ST8SIA6: variants seen among roughly 807,000 people sequenced by gnomAD.
The protein encoded by ST8SIA6 is alpha-2,8-sialyltransferase 8F.
In ST8SIA6, 39 loss-of-function variants were observed where a neutral mutation model predicts 33.6. The ratio of observed to expected loss-of-function variants is 1.16; its 90% CI spans 0.90 to 1.52. The LOEUF (loss-of-function observed/expected upper bound fraction) is 1.52. ST8SIA6 is among the 40% of genes most tolerant of loss of function. The pLI, the probability that ST8SIA6 is intolerant of heterozygous loss-of-function variation, is 0.00. For missense variants in ST8SIA6, 441 were observed against 443.8 expected (o/e 0.99, Z 0.06); for synonymous variants, 172 against 167.2 (o/e 1.03, Z -0.22).
At chr10:17,376,419 A>T (rs1754102768) in intron 3 of ST8SIA6, among the ~76,000 whole-genome samples, 1 of 152,204 alleles carries the variant, frequency 6.6e-6, no homozygotes. Flanking sequence ...ACCAAATGGT[A>T]GAAACTGAAC....
chr10:17,322,226 GAAAGAAAA>G (rs1160008601), intron 7 of ST8SIA6, among the ~76,000 whole-genome samples: 1 of 124,142 alleles, frequency 8.1e-6, no homozygotes, highest in African/African-American at 3.4e-5. Context: ...AGAAAAGAAA[GAAAGAAAA>G]AGAAAGAGAA....
At chr10:17,425,282 T>C (rs991942707) in intron 2 of ST8SIA6, among the ~76,000 whole-genome samples, 1 of 152,040 alleles carries the variant, frequency 6.6e-6, no homozygotes, top group Admixed American at 6.6e-5. Flanking sequence ...AGGACTGAAA[T>C]ATAAGCCAGG....
intron 3 of ST8SIA6, among the ~76,000 whole-genome samples, chr10:17,371,636 G>A (rs55735524): frequency 0.37 from 55,976 of 151,102 alleles, 10,579 homozygotes; most frequent in East Asian, 0.59. Flanking sequence ...AATACAAAAA[G>A]TTAGCAGGGC....
chr10:17,384,971 A>C (rs1042533385), intron 3 of ST8SIA6, among the ~76,000 whole-genome samples: 3 of 152,294 alleles, frequency 2.0e-5, no homozygotes, highest in African/African-American at 4.8e-5. Flanking sequence ...GCAATGAAAG[A>C]TCAGATGAAA....
In ST8SIA6 at chr10:17,321,050, C is replaced by T; in HGVS notation, c.1025G>A (p.Gly342Glu). ...TACAGTTTTAGAGAAGGGCCAGAAT[C>T]CATACAGCTTCACATTTTTACACAG... is the stretch of plus-strand genomic sequence containing the variant. ...VELCKNVKLY[G>E]FWPFSKTVED... The change falls in exon 8 of 8, where the codon GGA becomes GAA. Residue 342 changes from glycine (G) to glutamate (E), a missense_variant. Physicochemically the swap from Gly to Glu is moderately conservative, Grantham distance 98. Transcript: ENST00000377602. The T allele has an allele frequency of 6.2e-7, 1 of 1,614,050 alleles. No homozygotes were observed. The highest frequency in any genetic ancestry group is 2.2e-5 in the East Asian group (1 of 44,876).
At chr10:17,379,050 C>T (rs780527400) in intron 3 of ST8SIA6, among the ~76,000 whole-genome samples, 33 of 151,200 alleles carry the variant, frequency 2.2e-4, no homozygotes, top group African/African-American at 5.1e-4. Context: ...CGCTTGAACC[C>T]GGGAGGCAGT....
chr10:17,405,466 A>G (rs1418772592), intron 2 of ST8SIA6, among the ~76,000 whole-genome samples: 1 of 151,658 alleles, frequency 6.6e-6, no homozygotes, highest in Non-Finnish European at 1.5e-5. Flanking sequence ...AACACCTCAA[A>G]TGAGGTTGCT....
At chr10:17,337,233 C>T (rs1848534581) in intron 4 of ST8SIA6, among the ~76,000 whole-genome samples, 1 of 152,168 alleles carries the variant, frequency 6.6e-6, no homozygotes, top group African/African-American at 2.4e-5. Flanking sequence ...CCTCCTCAGC[C>T]ACGATTCCTG....
chr10:17,425,025 C>T (rs921673822), intron 2 of ST8SIA6, among the ~76,000 whole-genome samples: 8 of 152,088 alleles, frequency 5.3e-5, no homozygotes, highest in East Asian at 1.9e-4. Flanking sequence ...TGAGCCACCA[C>T]GCCCAGCCAC....
intron 2 of ST8SIA6, among the ~76,000 whole-genome samples, chr10:17,432,014 C>A (rs1852117345): frequency 6.6e-6 from 1 of 152,032 alleles, no homozygotes; most frequent in Non-Finnish European, 1.5e-5. Flanking sequence ...AGCCGGAAGC[C>A]GAAAACCGGA....
At chr10:17,372,745 A>G (rs1849777187) in intron 3 of ST8SIA6, among the ~76,000 whole-genome samples, 1 of 152,240 alleles carries the variant, frequency 6.6e-6, no homozygotes, top group South Asian at 2.1e-4. Flanking sequence ...AATTACTCCA[A>G]AACTTAGTGG....
intron 2 of ST8SIA6, among the ~76,000 whole-genome samples, chr10:17,445,050 T>G (rs531023594): frequency 8.5e-4 from 130 of 152,304 alleles, no homozygotes; most frequent in African/African-American, 3.0e-3. Context: ...CTAATAGCCT[T>G]CATCTATTTG....
Position 17,390,458 on chromosome 10 carries a change from G to C in ST8SIA6, c.290+73C>G, listed in dbSNP as rs1024804460. 2.3e-6 allele frequency: 3 copies of C among 1,287,734 alleles called. No homozygotes were observed. The African/African-American group carries it at 4.4e-5, about 19-fold the overall frequency. 79.8% of individuals were successfully genotyped at this position (1,287,734 alleles called of 1,614,324 possible). On this transcript the variant is annotated intron_variant, in intron 3 of 7. Coordinates refer to ENST00000377602, the MANE Select transcript of ST8SIA6 (RefSeq NM_001004470.3). ...CAGTCTCATATTCCAAATGACTTCA[G>C]AGACACTGTCAGACATTCTGAAAAT...
chr10:17,426,431 G>A (rs370829502), intron 2 of ST8SIA6, among the ~76,000 whole-genome samples: 13 of 152,214 alleles, frequency 8.5e-5, no homozygotes, highest in African/African-American at 3.1e-4. Flanking sequence ...AAAAAACGGT[G>A]TGGAGAGTTC....
chr10:17,439,319 A>T (rs12252590), intron 2 of ST8SIA6, among the ~76,000 whole-genome samples: 5 of 141,142 alleles, frequency 3.5e-5, no homozygotes, highest in Non-Finnish European at 6.1e-5. Context: ...TCTCTCTGTC[A>T]CCCAGACTGG....
Position 17,321,002 on chromosome 10 carries a change from T to C in ST8SIA6, c.1073A>G (p.His358Arg). Residue 358 changes from histidine to arginine, a missense_variant, in exon 8 of 8, where the codon CAC becomes CGC. Physicochemically the swap from His to Arg is conservative, Grantham distance 29 (BLOSUM62 0). Transcript: ENST00000377602. Reference protein sequence around the residue: ...KTVEDIPVSHHYYDNKLPKHG... With the variant: ...KTVEDIPVSHRYYDNKLPKHG... ...TTTAGGTAGCTTGTTGTCATAATAG[T>C]GATGGCTGACAGGTATGTCTTCTAC... 1 of 1,614,096 alleles carries C rather than the reference T, an allele frequency of 6.2e-7. No individual in the cohort carries two copies. The highest frequency in any genetic ancestry group is 8.5e-7 in the Non-Finnish European group (1 of 1,179,978).
chr10:17,430,637 A>G (rs566610251), intron 2 of ST8SIA6, among the ~76,000 whole-genome samples: 2 of 152,140 alleles, frequency 1.3e-5, no homozygotes, highest in African/African-American at 4.8e-5. Flanking sequence ...CCTGATGATT[A>G]GTGGTGTCAA....
chr10:17,429,229 G>T (rs1304440322), intron 2 of ST8SIA6, among the ~76,000 whole-genome samples: 1 of 151,860 alleles, frequency 6.6e-6, no homozygotes, highest in African/African-American at 2.4e-5. Context: ...TCACTTTAGG[G>T]ATATAATAGA....
At chr10:17,416,023 G>T (rs1851597894) in intron 2 of ST8SIA6, among the ~76,000 whole-genome samples, 1 of 151,898 alleles carries the variant, frequency 6.6e-6, no homozygotes, top group South Asian at 2.1e-4. Flanking sequence ...GCCCAGGCTG[G>T]TCTTGAACTC....
Sources: allele counts gnomAD v4.1 joint callset (sites outside exome capture counted in the v4.1 genomes callset), GRCh38; gene constraint gnomAD v4.1.1; transcripts MANE v1.5; gene names NCBI Gene and HGNC (gene_info 2026-07-23, HGNC 2026-07-21).